RGPD5: variants seen among roughly 807,000 people sequenced by gnomAD.
RGPD5 encodes RANBP2-like and GRIP domain-containing protein 5/6.
At chr2:109,764,301 C>G in the RGPD5 span, among the ~76,000 whole-genome samples, 7 of 146,752 alleles carry the variant, frequency 4.8e-5, 1 homozygote, top group Admixed American at 5.0e-4. Context: ...TATGCAGAGG[C>G]GCAAGGCTGC....
the RGPD5 span, among the ~76,000 whole-genome samples, chr2:109,764,432 C>T: frequency 1.3e-5 from 2 of 148,348 alleles, 1 homozygote; most frequent in Non-Finnish European, 3.0e-5. Context: ...CTAACTGTTG[C>T]TTTCATTTAA....
intron 1 of RGPD5, 121 bp downstream of exon 1, chr2:109,794,658 C>T: frequency 2.6e-6 from 2 of 755,644 alleles, no homozygotes; most frequent in Non-Finnish European, 3.1e-6. Flanking sequence ...GTCATGTCTC[C>T]CGAGGGGCGC....
At chr2:109,764,659 G>A in the RGPD5 span, among the ~76,000 whole-genome samples, 7 of 147,830 alleles carry the variant, frequency 4.7e-5, no homozygotes, top group African/African-American at 1.8e-4. Flanking sequence ...ATGGAAAGAG[G>A]AAAAATTGAA....
Position 109,794,514 on chromosome 2 carries a change from G to C in RGPD5, c.49G>C (p.Gly17Arg). The C allele has an allele frequency of 2.1e-6, 1 of 478,616 alleles. No homozygotes were observed. Among genetic ancestry groups the C allele is most frequent in the Non-Finnish European group, 2.3e-6 (1 of 427,800 alleles). 29.6% of individuals were successfully genotyped at this position (478,616 alleles called of 1,614,324 possible). A position where few individuals can be genotyped will look rare whatever the true frequency, so the allele number is the denominator to read the frequency against. ...DVERYVASVL[G>R]LTPSPRQKSM... ...GGAGCGGTACGTCGCCTCGGTGCTG[G>C]GTCTCACCCCGTCGCCTCGACAGGT... Residue 17 changes from glycine (G) to arginine (R), a missense_variant, in exon 1 of 23, where the codon GGT becomes CGT. Transcript: ENST00000016946.
intron 1 of RGPD5, among the ~76,000 whole-genome samples, chr2:109,799,113 CA>C (rs1360937364): frequency 1.1e-4 from 2 of 18,950 alleles, no homozygotes; most frequent in African/African-American, 3.9e-4. Flanking sequence ...ACTGAAAATA[CA>C]AAAATTAGCT....
chr2:109,760,731 G>A, the RGPD5 span, among the ~76,000 whole-genome samples: 2 of 145,036 alleles, frequency 1.4e-5, no homozygotes, highest in Non-Finnish European at 1.5e-5. Context: ...GGACAGCTTC[G>A]ACTTAGCCCT....
the RGPD5 span, among the ~76,000 whole-genome samples, chr2:109,778,355 G>A: frequency 1.4e-5 from 2 of 146,018 alleles, 1 homozygote; most frequent in Non-Finnish European, 3.0e-5. Context: ...GGTTTAAATG[G>A]CATAACAGAT....
At chr2:109,764,405 C>T in the RGPD5 span, among the ~76,000 whole-genome samples, 4 of 147,528 alleles carry the variant, frequency 2.7e-5, 1 homozygote, top group Admixed American at 7.0e-5. Flanking sequence ...AAAATAATGA[C>T]CATCCCTTTT....
At chr2:109,761,518 C>T in the RGPD5 span, among the ~76,000 whole-genome samples, 2 of 148,482 alleles carry the variant, frequency 1.3e-5, no homozygotes, top group Non-Finnish European at 3.0e-5. Context: ...TTCCGTTTCT[C>T]GGGGATCTCA....
the RGPD5 span, among the ~76,000 whole-genome samples, chr2:109,762,988 T>A: frequency 2.1e-5 from 3 of 146,266 alleles, no homozygotes; most frequent in African/African-American, 7.6e-5. Flanking sequence ...TTACGTAAAT[T>A]TTTAAGTTTA....
chr2:109,765,396 A>G, the RGPD5 span, among the ~76,000 whole-genome samples: 3 of 150,298 alleles, frequency 2.0e-5, no homozygotes. Context: ...CTTTTTTTTA[A>G]AATTTCCCAT....
chr2:109,778,515 A>G, the RGPD5 span, among the ~76,000 whole-genome samples: 1 of 150,078 alleles, frequency 6.7e-6, no homozygotes, highest in Non-Finnish European at 1.5e-5. Flanking sequence ...AAGACCAGCT[A>G]GAAACATCTT....
chr2:109,777,281 T>C, the RGPD5 span, among the ~76,000 whole-genome samples: 2 of 148,996 alleles, frequency 1.3e-5, no homozygotes, highest in East Asian at 3.9e-4. Context: ...CAAAGGCTTT[T>C]CTACATGTAT....
At chr2:109,761,436 C>G in the RGPD5 span, among the ~76,000 whole-genome samples, 8 of 150,034 alleles carry the variant, frequency 5.3e-5, no homozygotes, top group African/African-American at 2.0e-4. Flanking sequence ...CTCCTCCTCC[C>G]CACCCCACCC....
chr2:109,778,523 C>CT, the RGPD5 span, among the ~76,000 whole-genome samples: 1 of 149,836 alleles, frequency 6.7e-6, no homozygotes, highest in Non-Finnish European at 1.5e-5. Context: ...CTAGAAACAT[C>CT]TTTTTTCAAT....
the RGPD5 span, among the ~76,000 whole-genome samples, chr2:109,767,570 C>A: frequency 6.8e-6 from 1 of 147,660 alleles, no homozygotes; most frequent in South Asian, 2.3e-4. Flanking sequence ...GAGGACACCA[C>A]CCAATCCAAG....
the RGPD5 span, among the ~76,000 whole-genome samples, chr2:109,766,760 A>G: frequency 2.7e-5 from 4 of 149,372 alleles, no homozygotes; most frequent in Non-Finnish European, 4.4e-5. Flanking sequence ...TGTAAGTGGA[A>G]TTTTTAACCT....
At chr2:109,766,251 G>A in the RGPD5 span, among the ~76,000 whole-genome samples, 3 of 151,348 alleles carry the variant, frequency 2.0e-5, no homozygotes, top group East Asian at 6.1e-4. Flanking sequence ...GCAGCAGTGG[G>A]GAAGGGGCTG....
At chr2:109,766,678 C>T in the RGPD5 span, among the ~76,000 whole-genome samples, 14 of 145,778 alleles carry the variant, frequency 9.6e-5, no homozygotes, top group African/African-American at 2.3e-4. Context: ...TGAACAAAGA[C>T]CTTTGGCTTA....
Sources: allele counts gnomAD v4.1 joint callset (sites outside exome capture counted in the v4.1 genomes callset), GRCh38; gene constraint gnomAD v4.1.1; transcripts MANE v1.5; gene names NCBI Gene and HGNC (gene_info 2026-07-23, HGNC 2026-07-21).